WNT3: variants seen among roughly 807,000 people sequenced by gnomAD.
WNT3 encodes proto-oncogene Wnt-3.
WNT3 carries 7 observed loss-of-function variants against 34.2 expected under a neutral mutation model. The observed-to-expected ratio is 0.20, with a 90% CI of 0.12 to 0.38. The LOEUF (loss-of-function observed/expected upper bound fraction) is 0.38. Among genes scored for constraint, WNT3 ranks in the 10% least tolerant of loss-of-function variants. The pLI is 1.00. For missense variants in WNT3, 267 were observed against 499.8 expected (o/e 0.53, Z 4.44); for synonymous variants, 212 against 211.5 (o/e 1.00, Z -0.02).
At chr17:46,779,964 G>A (rs1365919702) in intron 1 of WNT3, among the ~76,000 whole-genome samples, 1 of 152,048 alleles carries the variant, frequency 6.6e-6, no homozygotes, top group East Asian at 1.9e-4. Flanking sequence ...TCGCAATATT[G>A]GCCAGGCTGG....
At chr17:46,770,273 G>A (rs900711855) in intron 2 of WNT3, among the ~76,000 whole-genome samples, 9 of 152,234 alleles carry the variant, frequency 5.9e-5, no homozygotes, top group African/African-American at 2.2e-4. Flanking sequence ...CTGGGCTGCT[G>A]ATTAGCTCAG....
At position 46,779,100 on chromosome 17, in the gene WNT3, CACA is replaced by C. The variant is rs1366603409; in HGVS notation, c.81-5194_81-5192del. The stretch of plus-strand genomic sequence containing the variant: ...ACACACACACACACACACACACACA[CACA>C]CCCCAGCCCACTCGGCCTTCCAAAG... On this transcript the variant is annotated intron_variant, in intron 1 of 4. Coordinates refer to ENST00000225512, the MANE Select transcript of WNT3 (RefSeq NM_030753.5). Among the ~76,000 whole-genome samples, 27 of 144,828 alleles carry C rather than the reference CACA, an allele frequency of 1.9e-4. 1 individual carries two copies. The highest frequency in any genetic ancestry group is 6.4e-4 in the African/African-American group (25 of 38,884).
intron 1 of WNT3, among the ~76,000 whole-genome samples, chr17:46,799,630 T>A (rs924725611): frequency 6.6e-6 from 1 of 151,966 alleles, no homozygotes; most frequent in Non-Finnish European, 1.5e-5. Flanking sequence ...GTATTTTTAG[T>A]AGAGACAGAG....
chr17:46,790,758 A>T (rs1273191929), intron 1 of WNT3, among the ~76,000 whole-genome samples: 2 of 152,258 alleles, frequency 1.3e-5, no homozygotes, highest in Admixed American at 1.3e-4. Context: ...TCCAGCAGCC[A>T]TGAAGAAGAA....
chr17:46,775,789 A>G (rs894570868), intron 1 of WNT3, among the ~76,000 whole-genome samples: 11 of 150,532 alleles, frequency 7.3e-5, no homozygotes, highest in African/African-American at 2.4e-4. Flanking sequence ...AATTTTTTGT[A>G]TTTTTAGTAG....
At chr17:46,781,427 G>T (rs146599444) in intron 1 of WNT3, among the ~76,000 whole-genome samples, 2 of 151,398 alleles carry the variant, frequency 1.3e-5, no homozygotes, top group African/African-American at 4.8e-5. Context: ...AAAAAAAAAG[G>T]AATGAAATTC....
At chr17:46,771,909 T>C (rs1405710087) in intron 2 of WNT3, among the ~76,000 whole-genome samples, 3 of 124,068 alleles carry the variant, frequency 2.4e-5, no homozygotes, top group Admixed American at 1.5e-4. Flanking sequence ...CGCCCCCGCC[T>C]GGGGAAGCGC....
intron 1 of WNT3, among the ~76,000 whole-genome samples, chr17:46,793,108 TAAA>T (rs373445053): frequency 7.8e-5 from 11 of 140,334 alleles, no homozygotes; most frequent in South Asian, 2.4e-4. Context: ...CTACTAAAAT[TAAA>T]AAAAAAAAAA....
chr17:46,772,350 G>A (rs1004042176), intron 2 of WNT3, among the ~76,000 whole-genome samples: 12 of 152,250 alleles, frequency 7.9e-5, no homozygotes, highest in Admixed American at 3.9e-4. Context: ...AACGCGGAGT[G>A]AATGGGTAGC....
intron 1 of WNT3, among the ~76,000 whole-genome samples, chr17:46,784,516 G>A (rs2059486132): frequency 1.3e-5 from 2 of 152,120 alleles, no homozygotes; most frequent in Admixed American, 1.3e-4. Context: ...TATGCCAAGG[G>A]GTGGAGGCAC....
intron 4 of WNT3, among the ~76,000 whole-genome samples, chr17:46,765,453 T>G (rs994328965): frequency 6.6e-6 from 1 of 152,136 alleles, no homozygotes; most frequent in Non-Finnish European, 1.5e-5. Flanking sequence ...ACAGAAAAGG[T>G]GTTTTCCCCA....
At chr17:46,771,443 G>A (rs2059368672) in intron 2 of WNT3, among the ~76,000 whole-genome samples, 1 of 150,386 alleles carries the variant, frequency 6.6e-6, no homozygotes, top group African/African-American at 2.4e-5. Flanking sequence ...TCTCGCGGCG[G>A]CAGCGGCGCC....
At chr17:46,798,497 C>T (rs997005194) in intron 1 of WNT3, among the ~76,000 whole-genome samples, 4 of 152,208 alleles carry the variant, frequency 2.6e-5, no homozygotes, top group East Asian at 1.9e-4. Context: ...TCTGCTTAGG[C>T]TTGTGCCAGC....
At chr17:46,771,524 C>T (rs2059369636) in intron 2 of WNT3, among the ~76,000 whole-genome samples, 1 of 148,930 alleles carries the variant, frequency 6.7e-6, no homozygotes, top group Non-Finnish European at 1.5e-5. Flanking sequence ...GGGGATTAGC[C>T]TGGGAGCGGC....
chr17:46,789,943 C>T (rs887107190), intron 1 of WNT3, among the ~76,000 whole-genome samples: 2 of 152,222 alleles, frequency 1.3e-5, no homozygotes, highest in African/African-American at 2.4e-5. Flanking sequence ...AGGAGGGCTT[C>T]TTTGCGCCTC....
intron 1 of WNT3, among the ~76,000 whole-genome samples, chr17:46,782,836 C>T (rs1173320245): frequency 6.6e-6 from 1 of 152,202 alleles, no homozygotes; most frequent in Non-Finnish European, 1.5e-5. Flanking sequence ...GCCACTGTTC[C>T]TCGCCCTCCT....
chr17:46,789,606 C>T (rs1325854805), intron 1 of WNT3, among the ~76,000 whole-genome samples: 1 of 146,316 alleles, frequency 6.8e-6, no homozygotes, highest in Non-Finnish European at 1.5e-5. Flanking sequence ...TCAGGGAACA[C>T]AAGGGACAGA....
In WNT3 at chr17:46,762,525, CTCTT is replaced by C. The variant is rs2059278539; in HGVS notation, c.*2101_*2104del. ...TATCCATTTTAGGTTTGTTTACCTT[CTCTT>C]TAATGACTTAACAGAAAAAAACTGC... On this transcript the variant is annotated 3_prime_UTR_variant, in exon 5 of 5. Coordinates refer to ENST00000225512, the MANE Select transcript of WNT3 (RefSeq NM_030753.5). 1 of 151,546 alleles carries C rather than the reference CTCTT, an allele frequency of 6.6e-6. No homozygotes were observed. Among genetic ancestry groups the C allele is most frequent in the African/African-American group, 2.4e-5 (1 of 41,242 alleles). 9.4% of individuals were successfully genotyped at this position (151,546 alleles called of 1,614,324 possible).
At chr17:46,797,938 T>G (rs1319258837) in intron 1 of WNT3, among the ~76,000 whole-genome samples, 3 of 152,188 alleles carry the variant, frequency 2.0e-5, no homozygotes, top group Non-Finnish European at 4.4e-5. Flanking sequence ...GTTTTTTGTT[T>G]GTTGGTTTTT....
Sources: allele counts gnomAD v4.1 joint callset (sites outside exome capture counted in the v4.1 genomes callset), GRCh38; gene constraint gnomAD v4.1.1; transcripts MANE v1.5; gene names NCBI Gene and HGNC (gene_info 2026-07-23, HGNC 2026-07-21).